The following TAFA5 variants were observed in gnomAD, a reference collection of about 807,000 sequenced individuals.
TAFA5 encodes TAFA chemokine like family member 5, also known as chemokine-like protein TAFA-5.
TAFA5 carries 6 observed loss-of-function variants against 15.3 expected under a neutral mutation model. The observed-to-expected ratio is 0.39, with a 90% confidence interval of 0.21 to 0.77. The LOEUF is 0.77. Among genes scored for constraint, TAFA5 ranks in the 30% least tolerant of loss-of-function variants. The pLI is 0.41. For missense variants in TAFA5, 161 were observed against 193.1 expected (o/e 0.83, Z 0.98); for synonymous variants, 103 against 80.7 (o/e 1.28, Z -1.48).
chr22:48,748,480 C>A (rs986686166), intron 3 of TAFA5, among the ~76,000 whole-genome samples: 2 of 152,162 alleles, frequency 1.3e-5, no homozygotes, highest in African/African-American at 4.8e-5. Flanking sequence ...GGCAGAACGG[C>A]CGTGGTGGCA....
chr22:48,663,345 TA>T (rs66499446), intron 2 of TAFA5, among the ~76,000 whole-genome samples: 43,501 of 151,972 alleles, frequency 0.29, 6,765 homozygotes, highest in African/African-American at 0.41. Context: ...CCTGCATCTT[TA>T]TAGGTCCTGT....
At position 48,490,475 on chromosome 22, in the gene TAFA5, C is replaced by T. The variant is rs903975898; in HGVS notation, c.112+771C>T. Among the ~76,000 whole-genome samples the T allele has an allele frequency of 6.6e-6, 1 of 151,766 alleles. No homozygotes were observed. The highest frequency in any genetic ancestry group is 1.5e-5 in the Non-Finnish European group (1 of 67,918). On this transcript the variant is annotated intron_variant, in intron 1 of 3. Coordinates refer to ENST00000402357, the MANE Select transcript of TAFA5 (RefSeq NM_001082967.3). This position sits in a 1 kb window ranked among gnomAD's most constrained non-coding sequence, Gnocchi z 5.8. The stretch of plus-strand genomic sequence containing the variant: ...AGTGAAGGGTGGGGGGTGGCCTGTG[C>T]CCCTGCCGAGGCTCCAGGCGGGTGG...
intron 2 of TAFA5, chr22:48,693,118 C>T: frequency 3.1e-6 from 2 of 642,994 alleles, no homozygotes; most frequent in East Asian, 5.6e-5. Context: ...CTCGGATTCC[C>T]AGTAGCTGAG....
At chr22:48,557,315 G>A (rs969906545) in intron 1 of TAFA5, among the ~76,000 whole-genome samples, 4 of 152,172 alleles carry the variant, frequency 2.6e-5, no homozygotes, top group African/African-American at 9.6e-5. Context: ...AGGCACAGAG[G>A]GGCCACCCTG....
In TAFA5 at chr22:48,560,232, G is replaced by A. The variant is rs1923182413; in HGVS notation, c.112+70528G>A. Among the ~76,000 whole-genome samples, 1 of 152,230 alleles carries A rather than the reference G, an allele frequency of 6.6e-6. No homozygotes were observed. Among genetic ancestry groups the A allele is most frequent in the African/African-American group, 2.4e-5 (1 of 41,444 alleles). On this transcript the variant is annotated intron_variant, in intron 1 of 3. Transcript: ENST00000402357. This position sits in a 1 kb window ranked among gnomAD's most constrained non-coding sequence, Gnocchi z 4.2. The stretch of plus-strand genomic sequence containing the variant: ...CTGGGCGGGGGTGTGATGTGGCTGA[G>A]GCGTCTGTCCCTGTCGTGCGCCCAG...
rs1359396950 is a variant in TAFA5, at chr22:48,566,960, G to A, written c.112+77256G>A. Among the ~76,000 whole-genome samples, 2 of 152,190 alleles carry A rather than the reference G, an allele frequency of 1.3e-5. No individual in the cohort carries two copies. The highest frequency in any genetic ancestry group is 2.9e-5 in the Non-Finnish European group (2 of 68,040). ...TTTGCTCCGCAGCACTGCTGCCTGC[G>A]GACTGGCCGCACTGGATTCCCCTTT... On this transcript the variant is annotated intron_variant, in intron 1 of 3. Transcript: ENST00000402357. This position sits in a 1 kb window ranked among gnomAD's most constrained non-coding sequence, Gnocchi z 4.5.
chr22:48,514,816 A>G (rs911317771), intron 1 of TAFA5, among the ~76,000 whole-genome samples: 2 of 152,254 alleles, frequency 1.3e-5, no homozygotes, highest in Non-Finnish European at 2.9e-5. Flanking sequence ...GCATCTGGGA[A>G]TGTTGACGTG....
At chr22:48,583,921 ACACACACAC>A in intron 1 of TAFA5, among the ~76,000 whole-genome samples, 1 of 125,468 alleles carries the variant, frequency 8.0e-6, no homozygotes. Context: ...CTCATACACC[ACACACACAC>A]CACACACCAC....
chr22:48,569,925 G>A (rs761894974), intron 1 of TAFA5, among the ~76,000 whole-genome samples: 4 of 152,228 alleles, frequency 2.6e-5, no homozygotes, highest in Non-Finnish European at 5.9e-5. Flanking sequence ...GGGCCATGCT[G>A]GATTTACCCC....
At chr22:48,622,947 C>T (rs558604363) in intron 1 of TAFA5, among the ~76,000 whole-genome samples, 1 of 152,362 alleles carries the variant, frequency 6.6e-6, no homozygotes, top group East Asian at 1.9e-4. Context: ...GGACCCAATG[C>T]TCGCTTCCTT....
At chr22:48,545,097 T>A in intron 1 of TAFA5, 2 of 354,496 alleles carry the variant, frequency 5.6e-6, no homozygotes, top group African/African-American at 4.3e-5. Context: ...GATTCCCGGA[T>A]CATGAGGTTC....
chr22:48,547,675 G>C (rs5768723), intron 1 of TAFA5, among the ~76,000 whole-genome samples: 10,799 of 152,144 alleles, frequency 0.071, 906 homozygotes, highest in East Asian at 0.41. Context: ...AACCTCGTAA[G>C]CCAGTGACTC....
chr22:48,622,449 C>T (rs1291871255), intron 1 of TAFA5, among the ~76,000 whole-genome samples: 4 of 152,222 alleles, frequency 2.6e-5, no homozygotes, highest in Non-Finnish European at 4.4e-5. Flanking sequence ...TTGCACTCAG[C>T]TCCACTACAG....
intron 1 of TAFA5, among the ~76,000 whole-genome samples, chr22:48,524,141 G>A (rs376183050): frequency 2.0e-5 from 3 of 152,108 alleles, no homozygotes; most frequent in East Asian, 1.9e-4. Context: ...CCTCCCTCCC[G>A]TCTGGCCAGT....
intron 2 of TAFA5, among the ~76,000 whole-genome samples, chr22:48,697,159 T>G (rs1928737191): frequency 6.6e-6 from 1 of 152,140 alleles, no homozygotes; most frequent in Non-Finnish European, 1.5e-5. Context: ...TGGGGTGCAG[T>G]TAGGGCTTGC....
At chr22:48,599,860 A>G (rs1167637302) in intron 1 of TAFA5, among the ~76,000 whole-genome samples, 2 of 152,234 alleles carry the variant, frequency 1.3e-5, no homozygotes, top group East Asian at 1.9e-4. Flanking sequence ...TGAGATGGCC[A>G]CAGATGCCTC....
intron 1 of TAFA5, among the ~76,000 whole-genome samples, chr22:48,632,304 C>T (rs957903366): frequency 2.6e-5 from 4 of 152,134 alleles, no homozygotes; most frequent in Non-Finnish European, 4.4e-5. Context: ...GTGTTAATCC[C>T]GCGGGGTGAT....
intron 1 of TAFA5, among the ~76,000 whole-genome samples, chr22:48,586,914 T>C (rs1239774515): frequency 6.6e-6 from 1 of 152,238 alleles, no homozygotes; most frequent in Non-Finnish European, 1.5e-5. Flanking sequence ...TGTGTCTGGC[T>C]GGGCTGTAGT....
At chr22:48,608,144 G>C (rs73889159) in intron 1 of TAFA5, among the ~76,000 whole-genome samples, 19,121 of 151,354 alleles carry the variant, frequency 0.13, 1,330 homozygotes, top group African/African-American at 0.16. Flanking sequence ...CCTGCTTCTC[G>C]GGGGTCTTGG....
Sources: gnomAD v4.1 joint callset for allele counts (sites outside exome capture counted in the v4.1 genomes callset) on GRCh38, gnomAD v4.1.1 for gene constraint, Gnocchi (gnomAD v3.1) non-coding constraint, MANE v1.5 for transcripts, NCBI Gene and HGNC (gene_info 2026-07-23, HGNC 2026-07-21) for gene names.